NXPE2: variants seen among roughly 807,000 people sequenced by gnomAD.
NXPE2 encodes the protein neurexophilin and PC-esterase domain family member 2.
Under a neutral mutation model 34.4 loss-of-function variants are expected in NXPE2, and 34 were observed. That is an observed-to-expected ratio of 0.99 (90% CI 0.75 to 1.31). NXPE2 has a LOEUF of 1.31. Among genes scored for constraint, NXPE2 ranks in the 40% most tolerant of loss-of-function variants. The pLI, the probability that NXPE2 is intolerant of heterozygous loss-of-function variation, is 0.00. For missense variants in NXPE2, 649 were observed against 672.5 expected (o/e 0.97, Z 0.39); for synonymous variants, 235 against 231.3 (o/e 1.02, Z -0.15).
the NXPE2 span, among the ~76,000 whole-genome samples, chr11:114,592,912 A>G: frequency 6.6e-6 from 1 of 152,172 alleles, no homozygotes; most frequent in Non-Finnish European, 1.5e-5. Context: ...GTCATCAAAA[A>G]CATACAATGG....
the NXPE2 span, among the ~76,000 whole-genome samples, chr11:114,525,952 T>C: frequency 3.3e-5 from 5 of 152,320 alleles, no homozygotes; most frequent in Non-Finnish European, 4.4e-5. Flanking sequence ...AATGTTGCCT[T>C]TTCCAGTTAT....
At chr11:114,801,453 T>C in the NXPE2 span, among the ~76,000 whole-genome samples, 1 of 152,228 alleles carries the variant, frequency 6.6e-6, no homozygotes, top group Non-Finnish European at 1.5e-5. Context: ...GGACAGATCA[T>C]AGAGTCTTGT....
chr11:114,631,597 G>A, the NXPE2 span, among the ~76,000 whole-genome samples: 1,523 of 151,722 alleles, frequency 0.01, 26 homozygotes, highest in African/African-American at 0.034. Flanking sequence ...TGGGTGCAGC[G>A]CACCAGCATG....
chr11:114,787,315 C>A, the NXPE2 span, among the ~76,000 whole-genome samples: 1 of 152,200 alleles, frequency 6.6e-6, no homozygotes, highest in African/African-American at 2.4e-5. Context: ...TTCCCCATCA[C>A]TTGATTCTTA....
At chr11:114,653,533 CTTTT>C in the NXPE2 span, among the ~76,000 whole-genome samples, 1 of 103,508 alleles carries the variant, frequency 9.7e-6, no homozygotes. Flanking sequence ...CCTGCTTTCC[CTTTT>C]TTTTTTTTTT....
chr11:114,526,444 T>G, the NXPE2 span: 1 of 64,812 alleles, frequency 1.5e-5, no homozygotes, highest in South Asian at 4.6e-4. Context: ...CATTTTAAAT[T>G]GCCTTTCTGC....
the NXPE2 span, among the ~76,000 whole-genome samples, chr11:114,590,849 G>A: frequency 1.3e-5 from 2 of 152,150 alleles, no homozygotes; most frequent in Non-Finnish European, 2.9e-5. Flanking sequence ...AATGTAGCAG[G>A]ATTGCTGTCT....
At chr11:114,606,463 C>A in the NXPE2 span, among the ~76,000 whole-genome samples, 1 of 147,394 alleles carries the variant, frequency 6.8e-6, no homozygotes, top group Non-Finnish European at 1.5e-5. Flanking sequence ...TAATGTGTTG[C>A]CTCTAGGGTA....
chr11:114,475,226 GTTTTTT>G, the NXPE2 span, among the ~76,000 whole-genome samples: 28 of 88,058 alleles, frequency 3.2e-4, no homozygotes, highest in African/African-American at 7.4e-4. Flanking sequence ...AATGTGAACT[GTTTTTT>G]TTTTTTTTTT....
the NXPE2 span, among the ~76,000 whole-genome samples, chr11:114,754,672 G>A: frequency 6.6e-6 from 1 of 152,134 alleles, no homozygotes; most frequent in African/African-American, 2.4e-5. Context: ...AGGCCCTTGG[G>A]CTGGTGGTGG....
the NXPE2 span, among the ~76,000 whole-genome samples, chr11:114,491,900 A>G: frequency 7.2e-5 from 11 of 152,206 alleles, no homozygotes; most frequent in African/African-American, 2.7e-4. Flanking sequence ...TGAGCAAACT[A>G]TTGCAAGGAC....
chr11:114,610,192 G>T, the NXPE2 span, among the ~76,000 whole-genome samples: 1 of 151,510 alleles, frequency 6.6e-6, no homozygotes, highest in Non-Finnish European at 1.5e-5. Flanking sequence ...GTATTGCCAC[G>T]TGGGTAGCCA....
the NXPE2 span, among the ~76,000 whole-genome samples, chr11:114,802,585 G>A: frequency 3.9e-5 from 6 of 152,166 alleles, no homozygotes; most frequent in Non-Finnish European, 7.4e-5. Context: ...ACTTGCAGTT[G>A]CTGATGGAAT....
At chr11:114,730,966 T>C in the NXPE2 span, among the ~76,000 whole-genome samples, 4 of 152,220 alleles carry the variant, frequency 2.6e-5, no homozygotes, top group Non-Finnish European at 4.4e-5. Context: ...ACTTGTCTTG[T>C]TCCAGTTCTT....
chr11:114,527,669 T>C, the NXPE2 span, among the ~76,000 whole-genome samples: 1 of 152,224 alleles, frequency 6.6e-6, no homozygotes, highest in Non-Finnish European at 1.5e-5. Context: ...TAATCTCCTA[T>C]AAACATTTTG....
chr11:114,681,909 CAT>C (rs1221286140), intron 2 of NXPE2, among the ~76,000 whole-genome samples: 1 of 152,076 alleles, frequency 6.6e-6, no homozygotes, highest in Non-Finnish European at 1.5e-5. Context: ...CAGAAAAAGA[CAT>C]AATTTATAAT....
At chr11:114,813,158 T>C in the NXPE2 span, among the ~76,000 whole-genome samples, 2 of 152,200 alleles carry the variant, frequency 1.3e-5, no homozygotes, top group Non-Finnish European at 2.9e-5. Flanking sequence ...CTAACTTCAC[T>C]AGACAAAGCT....
the NXPE2 span, among the ~76,000 whole-genome samples, chr11:114,477,266 A>T: frequency 1.1e-4 from 17 of 152,140 alleles, no homozygotes; most frequent in African/African-American, 4.1e-4. Flanking sequence ...GTTAGACAAG[A>T]TGAGAAAGCT....
At chr11:114,806,764 T>G in the NXPE2 span, among the ~76,000 whole-genome samples, 2 of 151,720 alleles carry the variant, frequency 1.3e-5, no homozygotes, top group African/African-American at 4.8e-5. Context: ...TGGAAAACAC[T>G]CTGCAGGATA....
Sources: gnomAD v4.1 joint callset for allele counts (sites outside exome capture counted in the v4.1 genomes callset) on GRCh38, gnomAD v4.1.1 for gene constraint, MANE v1.5 for transcripts, NCBI Gene and HGNC (gene_info 2026-07-23, HGNC 2026-07-21) for gene names.